PPP6R3: variants seen among roughly 807,000 people sequenced by gnomAD.
The protein encoded by PPP6R3 is serine/threonine-protein phosphatase 6 regulatory subunit 3.
PPP6R3 carries 38 observed loss-of-function variants against 110.7 expected under a neutral mutation model. That is an observed-to-expected ratio of 0.34 (90% CI 0.26 to 0.45). PPP6R3 has a LOEUF of 0.45. Among genes scored for constraint, PPP6R3 ranks in the 20% least tolerant of loss-of-function variants. The pLI is 1.00. For missense variants in PPP6R3, 870 were observed against 1,062.4 expected (o/e 0.82, Z 2.52); for synonymous variants, 369 against 373.5 (o/e 0.99, Z 0.14).
intron 12 of PPP6R3, among the ~76,000 whole-genome samples, chr11:68,573,394 A>G (rs980397383): frequency 6.6e-6 from 1 of 151,694 alleles, no homozygotes; most frequent in Admixed American, 6.6e-5. Flanking sequence ...CAAGTGATCC[A>G]CCTGTGTTGG....
rs768836976 is a variant in PPP6R3, at chr11:68,558,701, CA to C, written c.845+26del. On this transcript the variant is annotated intron_variant, in intron 8 of 23. Coordinates refer to ENST00000393800, the MANE Select transcript of PPP6R3 (RefSeq NM_001164161.2). ...CAACGTAAGCTTTTCTTATATCTTA[CA>C]AAATGAACCATGTTGTTTTGCTTTC... 112 of 1,518,928 alleles carry C rather than the reference CA, an allele frequency of 7.4e-5. 2 individuals are homozygous for C. In the South Asian group the frequency reaches 1.1e-3, roughly 15 times the overall value. 94.1% of individuals were successfully genotyped at this position (1,518,928 alleles called of 1,614,324 possible).
intron 2 of PPP6R3, among the ~76,000 whole-genome samples, chr11:68,526,379 AC>A (rs1443987400): frequency 6.6e-6 from 1 of 151,960 alleles, no homozygotes; most frequent in Non-Finnish European, 1.5e-5. Context: ...AGCTAGGACT[AC>A]AGGTGTGCAC....
chr11:68,614,426 C>T lies in PPP6R3; in HGVS notation c.*1309C>T. ...TTAGATGCAAATCAGTTTTTCATTT[C>T]TGTAATAGAAAATTATTCACGTATT... On this transcript the variant is annotated 3_prime_UTR_variant, in exon 24 of 24. Transcript: ENST00000393800. 1 of 1,321,328 alleles carries T rather than the reference C, an allele frequency of 7.6e-7. No individual in the cohort carries two copies. The highest frequency in any genetic ancestry group is 9.6e-7 in the Non-Finnish European group (1 of 1,038,786). The allele number at this position is 1,321,328 out of a possible 1,614,324, so 81.9% of individuals were successfully genotyped here.
intron 1 of PPP6R3, among the ~76,000 whole-genome samples, chr11:68,494,870 T>C (rs1252963631): frequency 6.6e-6 from 1 of 152,168 alleles, no homozygotes; most frequent in Non-Finnish European, 1.5e-5. Context: ...ACAAATTTTA[T>C]GTTTGTTTTT....
At chr11:68,510,535 C>T (rs1474741753) in intron 1 of PPP6R3, among the ~76,000 whole-genome samples, 1 of 152,004 alleles carries the variant, frequency 6.6e-6, no homozygotes, top group Admixed American at 6.5e-5. Context: ...GGGGTCTTGC[C>T]ATGTTACCCA....
At chr11:68,566,477 C>T (rs1285398372) in intron 9 of PPP6R3, among the ~76,000 whole-genome samples, 1 of 152,116 alleles carries the variant, frequency 6.6e-6, no homozygotes, top group Admixed American at 6.5e-5. Flanking sequence ...TCTCCCACCT[C>T]ATCTTCCTGA....
At chr11:68,468,113 T>C (rs1173594485) in intron 1 of PPP6R3, among the ~76,000 whole-genome samples, 1 of 152,156 alleles carries the variant, frequency 6.6e-6, no homozygotes, top group Non-Finnish European at 1.5e-5. Flanking sequence ...TGCAGAAGAA[T>C]GGAACCAGAA....
chr11:68,564,452 C>G lies in PPP6R3; in HGVS notation c.975+20C>G. Reference sequence around the variant, plus strand: ...CCCAAGGTAGGGGAGCTATGTTAAGCATGGCTGCCCAGCGAGTAATTTGGT... The same window carrying G: ...CCCAAGGTAGGGGAGCTATGTTAAGGATGGCTGCCCAGCGAGTAATTTGGT... On this transcript the variant is annotated intron_variant, in intron 9 of 23. Transcript: ENST00000393800. 6.2e-7 allele frequency: 1 copy of G among 1,612,662 alleles called. No homozygotes were observed.
intron 2 of PPP6R3, among the ~76,000 whole-genome samples, chr11:68,527,887 T>G (rs1013295364): frequency 2.0e-5 from 3 of 152,342 alleles, no homozygotes; most frequent in East Asian, 3.9e-4. Flanking sequence ...TCCACTGCTT[T>G]CAGGGAGGCG....
chr11:68,560,893 C>CT (rs1410606804), intron 8 of PPP6R3, among the ~76,000 whole-genome samples: 2 of 101,180 alleles, frequency 2.0e-5, no homozygotes, highest in African/African-American at 7.0e-5. Context: ...TTTCCTTATA[C>CT]CTTTTTTTTT....
At chr11:68,476,855 C>T (rs1728013856) in intron 1 of PPP6R3, among the ~76,000 whole-genome samples, 1 of 151,532 alleles carries the variant, frequency 6.6e-6, no homozygotes, top group South Asian at 2.1e-4. Context: ...GACCCCAGCT[C>T]TACATATATA....
At chr11:68,580,671 A>T (rs2099549916) in intron 14 of PPP6R3, among the ~76,000 whole-genome samples, 1 of 128,624 alleles carries the variant, frequency 7.8e-6, no homozygotes, top group Non-Finnish European at 1.7e-5. Flanking sequence ...GTAGATCAGG[A>T]ATTCAGTTTT....
intron 2 of PPP6R3, chr11:68,522,415 T>C (rs2099168573): frequency 6.6e-6 from 1 of 152,262 alleles, no homozygotes; most frequent in Non-Finnish European, 1.5e-5. Flanking sequence ...ATGTCAGCCA[T>C]TGAGACTTCA....
intron 1 of PPP6R3, among the ~76,000 whole-genome samples, chr11:68,485,442 A>C (rs1164169606): frequency 3.3e-5 from 5 of 152,130 alleles, no homozygotes; most frequent in Admixed American, 1.3e-4. Context: ...ATGAGAGGGA[A>C]CATCTTTGCC....
intron 7 of PPP6R3, among the ~76,000 whole-genome samples, chr11:68,555,926 C>T (rs1403625486): frequency 3.3e-5 from 5 of 152,204 alleles, no homozygotes; most frequent in African/African-American, 4.8e-5. Flanking sequence ...TAATATTTGA[C>T]ACACTGCACA....
intron 22 of PPP6R3, among the ~76,000 whole-genome samples, chr11:68,606,713 G>C (rs1940290939): frequency 6.6e-6 from 1 of 152,190 alleles, no homozygotes; most frequent in Middle Eastern, 3.2e-3. Flanking sequence ...TTCACTTTAA[G>C]ATGAAGCCTT....
chr11:68,567,254 T>C lies in PPP6R3; in HGVS notation c.1128+88T>C, dbSNP rs981022527. ...AAGTTACAACCTTACAAATTTACAT[T>C]ATGTCAGTGACTTTTCTTGGTCTGA... On this transcript the variant is annotated intron_variant, in intron 10 of 23. Transcript: ENST00000393800. The C allele has an allele frequency of 2.3e-6, 3 of 1,324,964 alleles. No individual in the cohort carries two copies. The African/African-American group carries it at 4.5e-5, about 20-fold the overall frequency. The allele number at this position is 1,324,964 out of a possible 1,614,324, so 82.1% of individuals were successfully genotyped here. A position where few individuals can be genotyped will look rare whatever the true frequency, so the allele number is the denominator to read the frequency against.
intron 1 of PPP6R3, among the ~76,000 whole-genome samples, chr11:68,479,134 C>A (rs967597768): frequency 3.3e-5 from 5 of 152,070 alleles, no homozygotes; most frequent in African/African-American, 1.2e-4. Context: ...CATATTCTTA[C>A]GATTATTCAC....
chr11:68,505,626 A>G (rs2099071908), intron 1 of PPP6R3, among the ~76,000 whole-genome samples: 1 of 152,060 alleles, frequency 6.6e-6, no homozygotes, highest in South Asian at 2.1e-4. Flanking sequence ...TAATGGCAAA[A>G]ACCTGATTAC....
Sources: gnomAD v4.1 joint callset for allele counts (sites outside exome capture counted in the v4.1 genomes callset) on GRCh38, gnomAD v4.1.1 for gene constraint, MANE v1.5 for transcripts, NCBI Gene and HGNC (gene_info 2026-07-23, HGNC 2026-07-21) for gene names.